The following MFRP variants were observed in gnomAD, a reference collection of about 807,000 sequenced individuals.
MFRP encodes C1q and TNF related 5.
A neutral mutation model predicts 65.8 loss-of-function variants in MFRP; 74 were observed. That is an observed-to-expected ratio of 1.12 (90% CI 0.93 to 1.36). MFRP has a LOEUF of 1.36. MFRP is among the 40% of genes most tolerant of loss of function. MFRP has a pLI of 0.00. For missense variants in MFRP, 838 were observed against 736.0 expected (o/e 1.14, Z -1.60); for synonymous variants, 336 against 288.3 (o/e 1.17, Z -1.68).
intron 3 of MFRP, 28 bp from the exon 4 acceptor site, chr11:119,345,956 T>C (rs1415066648): frequency 7.4e-6 from 12 of 1,613,522 alleles, no homozygotes; most frequent in Non-Finnish European, 1.0e-5. Context: ...GAGGGTGGCG[T>C]TCAGAGGAGC....
At position 119,340,825 on chromosome 11, in the gene MFRP, T is replaced by G; in HGVS notation, c.*723A>C. On this transcript the variant is annotated 3_prime_UTR_variant, in exon 13 of 15. Transcript: ENST00000619721. ...TGCCCTGCCGTCACCCCAGTCCTGG[T>G]TCGCTCCCTGCCGGCTCCGCTTTCC... is the stretch of plus-strand genomic sequence containing the variant. The G allele has an allele frequency of 4.9e-6, 1 of 206,184 alleles. No homozygotes were observed. Among genetic ancestry groups the G allele is most frequent in the Non-Finnish European group, 9.7e-6 (1 of 103,386 alleles). 12.8% of individuals were successfully genotyped at this position (206,184 alleles called of 1,614,324 possible). A position where few individuals can be genotyped will look rare whatever the true frequency, so the allele number is the denominator to read the frequency against.
intron 14 of MFRP, 68 bp downstream of exon 14, chr11:119,340,116 C>G: frequency 1.4e-6 from 2 of 1,463,498 alleles, no homozygotes; most frequent in Non-Finnish European, 1.8e-6. Flanking sequence ...TCCCGGACAC[C>G]GGGAGCTGGA....
rs883245 is a variant in MFRP at position 119,346,601 on chromosome 11, G to A, written c.-88C>T. 0.53 allele frequency: 726,181 copies of A among 1,374,554 alleles called. 193,737 individuals are homozygous for A. Among genetic ancestry groups the A allele is most frequent in the East Asian group, 0.74 (32,132 of 43,704 alleles). 85.1% of individuals were successfully genotyped at this position (1,374,554 alleles called of 1,614,324 possible). ...CTCGCTGACCACAAACTCCCTGTCA[G>A]AGGGGCAGCCTCTACTACCCGAGGG... On this transcript the variant is annotated 5_prime_UTR_variant, in exon 1 of 15. Coordinates refer to ENST00000619721, the MANE Select transcript of MFRP (RefSeq NM_031433.4).
rs200251814 is a variant in MFRP at position 119,345,564 on chromosome 11, G to C, written c.497C>G (p.Pro166Arg). Reference protein sequence around the residue: ...SSPNYPDPYPPNTHCVWHIQV... With the variant: ...SSPNYPDPYPRNTHCVWHIQV... ...GATATGCCACACGCAGTGGGTGTTGGGGGGGTAAGGGTCTGGGTAGTTAGG... is the reference window on the plus strand; with the variant it reads ...GATATGCCACACGCAGTGGGTGTTGCGGGGGTAAGGGTCTGGGTAGTTAGG... The change falls in exon 5 of 15, where the codon CCC (proline) becomes CGC (arginine). Residue 166 changes from proline to arginine, a missense_variant. Physicochemically the swap from Pro to Arg is moderately radical, Grantham distance 103. Transcript: ENST00000619721. 4.2e-5 allele frequency: 67 copies of C among 1,613,806 alleles called. No homozygotes were observed. The highest frequency in any genetic ancestry group is 3.0e-4 in the Admixed American group (18 of 59,978).
At chr11:119,345,740 C>T (rs763146062) in intron 4 of MFRP, 33 bp downstream of exon 4, 2 of 1,613,338 alleles carry the variant, frequency 1.2e-6, no homozygotes, top group Non-Finnish European at 1.7e-6. Context: ...CATCTTGGGC[C>T]CTTCTCCCGG....
rs1216617268 is a variant in MFRP at position 119,345,634 on chromosome 11, C to G, written c.428-1G>C. The G allele has an allele frequency of 6.2e-7, 1 of 1,613,544 alleles. No individual in the cohort carries two copies. Among genetic ancestry groups the G allele is most frequent in the Admixed American group, 1.7e-5 (1 of 60,002 alleles). On this transcript the variant is annotated splice_acceptor_variant, in intron 4 of 14. Coordinates refer to ENST00000619721, the MANE Select transcript of MFRP (RefSeq NM_031433.4). LOFTEE classifies it high-confidence loss of function. ...GGGCCAGAGAGGAGGCCTCCACAGG[C>G]TGCAGAGATGGAGGTTAGAGTTCAG...
Position 119,342,687 on chromosome 11 carries a change from C to T in MFRP, c.1296G>A (p.Gly432=). 1 of 1,613,710 alleles carries T rather than the reference C, an allele frequency of 6.2e-7. No homozygotes were observed. The highest frequency in any genetic ancestry group is 8.5e-7 in the Non-Finnish European group (1 of 1,179,952). The change falls in exon 11 of 15, where the codon GGG becomes GGA. Residue 432 remains glycine (G), a synonymous_variant. Transcript: ENST00000619721. ...GPSELSCQAG[G]CKGVQWMCDM... ...CACACATCCACTGCACACCCTTACACCCTCCTGCCTGGCAGGAGAGCTCAC... is the reference window on the plus strand; with the variant it reads ...CACACATCCACTGCACACCCTTACATCCTCCTGCCTGGCAGGAGAGCTCAC...
At position 119,343,057 on chromosome 11, in the gene MFRP, A is replaced by G. The variant is rs964941564; in HGVS notation, c.1125-54T>C. Reference sequence around the variant, plus strand: ...ACCAGCCCTGGCTGACTGAGGGGGCACTGCAGCCTCCCACAGGCCTGGCTC... The same window carrying G: ...ACCAGCCCTGGCTGACTGAGGGGGCGCTGCAGCCTCCCACAGGCCTGGCTC... On this transcript the variant is annotated intron_variant, in intron 9 of 14. Coordinates refer to ENST00000619721, the MANE Select transcript of MFRP (RefSeq NM_031433.4). 2.0e-5 allele frequency: 31 copies of G among 1,554,744 alleles called. No individual in the cohort carries two copies. In the Admixed American group the frequency reaches 4.0e-4, roughly 20 times the overall value.
Position 119,339,347 on chromosome 11 carries a change from G to C in MFRP, c.*1612C>G. ...CAGTGGGCACTAAGCAAAGACTGGG[G>C]AGCTGTGCCAGTCGGAGTACACCAG... On this transcript the variant is annotated 3_prime_UTR_variant, in exon 15 of 15. Coordinates refer to ENST00000619721, the MANE Select transcript of MFRP (RefSeq NM_031433.4). The surrounding 1 kb of genome is among the most constrained non-coding windows in gnomAD (Gnocchi z 5.4). 1 of 1,613,002 alleles carries C rather than the reference G, an allele frequency of 6.2e-7. No homozygotes were observed. Among genetic ancestry groups the C allele is most frequent in the Non-Finnish European group, 8.5e-7 (1 of 1,179,370 alleles).
At position 119,341,698 on chromosome 11, in the gene MFRP, T is replaced by C. The variant is rs1307704559; in HGVS notation, c.1590A>G (p.Pro530=). 2.5e-6 allele frequency: 4 copies of C among 1,613,040 alleles called. No homozygotes were observed. The South Asian group carries it at 4.4e-5, about 18-fold the overall frequency. ...LCGLLVPRCT[P]LGSVLPPCRS... The stretch of plus-strand genomic sequence containing the variant: ...GGCAAGGGGGCAGAACACTGCCTAG[T>C]GGGGTGCAACGGGGCACAAGCAGCC... The change falls in exon 13 of 15, where the codon CCA becomes CCG. Residue 530 remains proline, a synonymous_variant. Coordinates refer to ENST00000619721, the MANE Select transcript of MFRP (RefSeq NM_031433.4).
In MFRP at chr11:119,344,381, C is replaced by G. The variant is rs777996384; in HGVS notation, c.909G>C (p.Gly303=). 24 of 1,613,486 alleles carry G rather than the reference C, an allele frequency of 1.5e-5. No homozygotes were observed. The highest frequency in any genetic ancestry group is 2.2e-5 in the East Asian group (1 of 44,832). The part of the protein sequence containing the change: ...NCSAKFSGCG[G]NLTGLQGTFS... ...AAGTGCCCTGGAGGCCAGTCAGATT[C>G]CCCCCACACCCTGTAGAGAGGTGGA... The change falls in exon 8 of 15, where the codon GGG becomes GGC. Residue 303 remains glycine (G), a synonymous_variant. Coordinates refer to ENST00000619721, the MANE Select transcript of MFRP (RefSeq NM_031433.4).
chr11:119,345,578 T>C lies in MFRP; in HGVS notation c.483A>G (p.Pro161=), dbSNP rs760363316. 24 of 1,613,772 alleles carry C rather than the reference T, an allele frequency of 1.5e-5. No individual in the cohort carries two copies. The highest frequency in any genetic ancestry group is 2.0e-5 in the Non-Finnish European group (24 of 1,180,006). Reference sequence around the variant, plus strand: ...AGTGGGTGTTGGGGGGGTAAGGGTCTGGGTAGTTAGGGCTGCTGAAGAAGC... The same window carrying C: ...AGTGGGTGTTGGGGGGGTAAGGGTCCGGGTAGTTAGGGCTGCTGAAGAAGC... The part of the protein sequence containing the change: ...PRGFFSSPNY[P]DPYPPNTHCV... The change falls in exon 5 of 15, where the codon CCA becomes CCG. Residue 161 remains proline, a synonymous_variant. Transcript: ENST00000619721.
intron 5 of MFRP, 22 bp downstream of exon 5, chr11:119,345,398 T>C (rs1215349895): frequency 4.3e-6 from 7 of 1,611,216 alleles, no homozygotes; most frequent in Admixed American, 1.7e-5. Context: ...CGGTGGGATG[T>C]CCTGGGGACA....
Position 119,344,378 on chromosome 11 carries a change from A to G in MFRP, c.912T>C (p.Asn304=), listed in dbSNP as rs1368632305. ...AGAAAGTGCCCTGGAGGCCAGTCAG[A>G]TTCCCCCCACACCCTGTAGAGAGGT... The part of the protein sequence containing the change: ...CSAKFSGCGG[N]LTGLQGTFST... Residue 304 remains asparagine, a synonymous_variant, in exon 8 of 15, where the codon AAT becomes AAC. Coordinates refer to ENST00000619721, the MANE Select transcript of MFRP (RefSeq NM_031433.4). The G allele has an allele frequency of 6.2e-7, 1 of 1,613,822 alleles. No homozygotes were observed. Among genetic ancestry groups the G allele is most frequent in the East Asian group, 2.2e-5 (1 of 44,834 alleles).
chr11:119,343,805 G>A lies in MFRP; in HGVS notation c.1124+11C>T, dbSNP rs199473709. 1.2e-6 allele frequency: 2 copies of A among 1,613,826 alleles called. No individual in the cohort carries two copies. Among genetic ancestry groups the A allele is most frequent in the South Asian group, 2.2e-5 (2 of 91,068 alleles). On this transcript the variant is annotated intron_variant, in intron 9 of 14. Coordinates refer to ENST00000619721, the MANE Select transcript of MFRP (RefSeq NM_031433.4). ...ATGGAGTTATCCATGGCTCTTCCCT[G>A]GCTCCTGTACCTGCCCAGGAGGCTG...
chr11:119,339,388 GCTGT>G lies in MFRP; in HGVS notation c.*1567_*1570del, dbSNP rs749758726. On this transcript the variant is annotated 3_prime_UTR_variant, in exon 15 of 15. Transcript: ENST00000619721. This position sits in a 1 kb window ranked among gnomAD's most constrained non-coding sequence, Gnocchi z 5.4. ...AGTACACCAGAAATCCGGAGAAGGT[GCTGT>G]CTGTCTTGATGCTGGCATAGATGCC... The G allele has an allele frequency of 1.6e-5, 26 of 1,613,142 alleles. No homozygotes were observed. In the African/African-American group the frequency reaches 2.8e-4, roughly 17 times the overall value.
chr11:119,340,498 C>T, intron 13 of MFRP, 58 bp from the exon 14 acceptor site: 3 of 1,311,356 alleles, frequency 2.3e-6, no homozygotes, highest in East Asian at 2.6e-5. Flanking sequence ...GCCTCTCTCC[C>T]CACCCCGGCG....
chr11:119,346,684 A>G lies in MFRP; in HGVS notation c.-171T>C, dbSNP rs1307545184. ...TGTCCTTGGTAGAGTGGTTTGGCCT[A>G]TGGGCTACTCTGTCTCTGTGTGGGG... On this transcript the variant is annotated 5_prime_UTR_variant, in exon 1 of 15. Coordinates refer to ENST00000619721, the MANE Select transcript of MFRP (RefSeq NM_031433.4). The G allele has an allele frequency of 3.2e-5, 22 of 695,972 alleles. No individual in the cohort carries two copies. Among genetic ancestry groups the G allele is most frequent in the Non-Finnish European group, 4.7e-5 (18 of 386,280 alleles). 43.1% of individuals were successfully genotyped at this position (695,972 alleles called of 1,614,324 possible). A position where few individuals can be genotyped will look rare whatever the true frequency, so the allele number is the denominator to read the frequency against.
At chr11:119,345,127 G>C in intron 5 of MFRP, 123 bp from the exon 6 acceptor site, 1 of 1,321,842 alleles carries the variant, frequency 7.6e-7, no homozygotes. Context: ...TGGTCAAAAA[G>C]GCTCCTCTGA....
Sources: allele counts gnomAD v4.1 joint callset, GRCh38; gene constraint gnomAD v4.1.1; non-coding constraint Gnocchi (gnomAD v3.1); transcripts MANE v1.5; gene names NCBI Gene and HGNC (gene_info 2026-07-23, HGNC 2026-07-21).